STX5: variants seen among roughly 807,000 people sequenced by gnomAD.
STX5 encodes the protein syntaxin 5.
In STX5, 15 loss-of-function variants were observed where a neutral mutation model predicts 42.9. The ratio of observed to expected loss-of-function variants is 0.35; its 90% CI spans 0.23 to 0.54. STX5 has a LOEUF of 0.54. Among genes scored for constraint, STX5 ranks in the 20% least tolerant of loss-of-function variants. The pLI is 0.91. For synonymous variants in STX5, 184 were observed against 173.2 expected, an observed-to-expected ratio of 1.06 and a Z score of -0.49; for missense variants, 430 against 455.0, an observed-to-expected ratio of 0.95 and a Z score of 0.50.
At chr11:62,820,407 C>T (rs1366746576) in intron 10 of STX5, among the ~76,000 whole-genome samples, 1 of 151,004 alleles carries the variant, frequency 6.6e-6, no homozygotes, top group Non-Finnish European at 1.5e-5. Context: ...GGTGTGGTGG[C>T]TCACATATGT....
At chr11:62,824,091 T>C in intron 10 of STX5, 75 bp downstream of exon 10, 2 of 1,607,718 alleles carry the variant, frequency 1.2e-6, no homozygotes, top group Non-Finnish European at 1.7e-6. Context: ...CATCAAGCAG[T>C]CCCTGGGGAC....
chr11:62,825,357 AG>A lies in STX5; in HGVS notation c.541-19del. The A allele has an allele frequency of 6.2e-7, 1 of 1,614,174 alleles. No individual in the cohort carries two copies. Among genetic ancestry groups the A allele is most frequent in the Non-Finnish European group, 8.5e-7 (1 of 1,180,034 alleles). On this transcript the variant is annotated intron_variant, in intron 6 of 10. Coordinates refer to ENST00000294179, the MANE Select transcript of STX5 (RefSeq NM_003164.5). The stretch of plus-strand genomic sequence containing the variant: ...AGTTTCGACTAGAAGAAAAGGAGAG[AG>A]GGTCAACCAAAGAAGGCTCCACATT...
At chr11:62,826,213 C>T (rs1225177312) in intron 5 of STX5, among the ~76,000 whole-genome samples, 1 of 152,010 alleles carries the variant, frequency 6.6e-6, no homozygotes, top group Non-Finnish European at 1.5e-5. Flanking sequence ...CTAGATCGCG[C>T]CACTGCACTC....
chr11:62,808,080 TTC>T (rs2084572772), intron 10 of STX5: 1 of 156,214 alleles, frequency 6.4e-6, no homozygotes, highest in Non-Finnish European at 1.4e-5. Flanking sequence ...GAAATCATGG[TTC>T]TGAGTGAAAA....
At chr11:62,831,411 A>C in intron 1 of STX5, 149 bp from the exon 2 acceptor site, 1 of 693,222 alleles carries the variant, frequency 1.4e-6, no homozygotes, top group South Asian at 1.6e-5. Context: ...GCGGACCAGC[A>C]GCGGAAAGGG....
intron 10 of STX5, among the ~76,000 whole-genome samples, chr11:62,816,357 A>G (rs923178037): frequency 6.6e-6 from 1 of 152,160 alleles, no homozygotes; most frequent in African/African-American, 2.4e-5. Flanking sequence ...ATCATAGCCT[A>G]TTGTAACCTC....
chr11:62,818,421 G>T (rs1223646281), intron 10 of STX5, among the ~76,000 whole-genome samples: 2 of 151,396 alleles, frequency 1.3e-5, no homozygotes, highest in Non-Finnish European at 2.9e-5. Context: ...AATTAGCTGG[G>T]TATGCTAGTG....
At chr11:62,827,672 T>G in intron 2 of STX5, 41 bp from the exon 3 acceptor site, 1 of 1,608,030 alleles carries the variant, frequency 6.2e-7, no homozygotes, top group East Asian at 2.2e-5. Flanking sequence ...TAGTTCTCCC[T>G]TCCCCAGTTC....
rs2084855865 is a variant in STX5 at position 62,831,174 on chromosome 11, G to T, written c.70C>A (p.Gln24Lys). The change falls in exon 2 of 11, where the codon CAG (glutamine) becomes AAG (lysine). Residue 24 changes from glutamine to lysine, a missense_variant. Gln to Lys is a moderately conservative substitution (Grantham distance 53, BLOSUM62 1). Coordinates refer to ENST00000294179, the MANE Select transcript of STX5 (RefSeq NM_003164.5). ...QGVYLGLSKT[Q>K]VLSPATAGSS... is the part of the protein sequence containing the mutation. ...CCAGCAGTTGCAGGGGACAGGACCTGTGTCTTTGAGAGACCCAGGTAGACA... is the reference window on the plus strand; with the variant it reads ...CCAGCAGTTGCAGGGGACAGGACCTTTGTCTTTGAGAGACCCAGGTAGACA... 1 of 1,564,372 alleles carries T rather than the reference G, an allele frequency of 6.4e-7. No homozygotes were observed. The highest frequency in any genetic ancestry group is 1.2e-5 in the South Asian group (1 of 85,290).
intron 10 of STX5, among the ~76,000 whole-genome samples, chr11:62,811,596 C>A (rs2084617452): frequency 6.6e-6 from 1 of 152,048 alleles, no homozygotes; most frequent in Non-Finnish European, 1.5e-5. Flanking sequence ...AGCTTGGTAT[C>A]ACTTCTGGGA....
chr11:62,828,215 A>C (rs1177104974), intron 2 of STX5, among the ~76,000 whole-genome samples: 1 of 151,974 alleles, frequency 6.6e-6, no homozygotes, highest in Non-Finnish European at 1.5e-5. Context: ...CCTGGGCTCA[A>C]GTGATCCTCC....
At chr11:62,822,515 C>T (rs755117215) in intron 10 of STX5, among the ~76,000 whole-genome samples, 8 of 152,184 alleles carry the variant, frequency 5.3e-5, no homozygotes, top group Non-Finnish European at 8.8e-5. Flanking sequence ...GTAGTCTCTG[C>T]TGTCCTTTAA....
At chr11:62,831,923 CG>C (rs1565218604) in intron 1 of STX5, 30 bp downstream of exon 1, 2 of 458,028 alleles carry the variant, frequency 4.4e-6, no homozygotes, top group South Asian at 3.1e-5. Context: ...GCTGACACGG[CG>C]GCCAGATCCC....
At chr11:62,827,491 G>A (rs2134854412) in intron 3 of STX5, 70 bp downstream of exon 3, 2 of 1,612,702 alleles carry the variant, frequency 1.2e-6, no homozygotes, top group South Asian at 2.2e-5. Context: ...TCACAGCCAA[G>A]GCCACTGATT....
chr11:62,824,017 G>A (rs973332176), intron 10 of STX5, 149 bp downstream of exon 10: 9 of 1,290,266 alleles, frequency 7.0e-6, no homozygotes, highest in Middle Eastern at 2.3e-4. Context: ...AAACTTGTTG[G>A]GTGGATGGAA....
At chr11:62,820,233 G>A (rs1018974121) in intron 10 of STX5, among the ~76,000 whole-genome samples, 9 of 151,394 alleles carry the variant, frequency 5.9e-5, no homozygotes, top group Non-Finnish European at 7.4e-5. Context: ...TTAGCCGGGC[G>A]TGGTGGCGGG....
rs772175772 is a variant in STX5, at chr11:62,824,492, C to T, written c.753G>A (p.Arg251=). The T allele has an allele frequency of 1.9e-6, 3 of 1,614,074 alleles. No individual in the cohort carries two copies. The highest frequency in any genetic ancestry group is 2.7e-5 in the African/African-American group (2 of 74,934). Residue 251 remains arginine, a synonymous_variant, in exon 9 of 11, where the codon CGG becomes CGA. Transcript: ENST00000294179. The stretch of plus-strand genomic sequence containing the variant: ...CAATGAGCTGCAGCTGCTGGCTGGT[C>T]CGAGAGTCCATCATGTCGATGGCGA... The part of the protein sequence containing the change: ...KDVAIDMMDS[R]TSQQLQLIDE...
chr11:62,827,235 C>G lies in STX5; in HGVS notation c.353-10G>C. On this transcript the variant is annotated splice_polypyrimidine_tract_variant and intron_variant, in intron 4 of 10. Transcript: ENST00000294179. The stretch of plus-strand genomic sequence containing the variant: ...GACTTGCGCTTTGCCACTACAGAGA[C>G]AAACAAGAAGCCACAATGGGTGAGG... 1 of 1,614,138 alleles carries G rather than the reference C, an allele frequency of 6.2e-7. No individual in the cohort carries two copies. The highest frequency in any genetic ancestry group is 1.1e-5 in the South Asian group (1 of 91,084).
At chr11:62,809,457 G>C (rs1428460175) in intron 10 of STX5, among the ~76,000 whole-genome samples, 1 of 150,176 alleles carries the variant, frequency 6.7e-6, no homozygotes, top group Non-Finnish European at 1.5e-5. Context: ...GGTGCATCAC[G>C]AGGTCAGGAG....
Sources: gnomAD v4.1 joint callset for allele counts (sites outside exome capture counted in the v4.1 genomes callset) on GRCh38, gnomAD v4.1.1 for gene constraint, MANE v1.5 for transcripts, NCBI Gene and HGNC (gene_info 2026-07-23, HGNC 2026-07-21) for gene names.